The following ATP10B variants were observed in gnomAD, a reference collection of about 807,000 sequenced individuals.
ATP10B encodes phospholipid-transporting ATPase VB.
ATP10B carries 122 observed loss-of-function variants against 141.2 expected under a neutral mutation model. The observed-to-expected ratio is 0.86, with a 90% CI of 0.75 to 1.00. The LOEUF is 1.00. Among genes scored for constraint, ATP10B ranks in the 50% least tolerant of loss-of-function variants. ATP10B has a pLI of 0.00. For missense variants in ATP10B, 1,876 were observed against 1,825.3 expected (o/e 1.03, Z -0.51); for synonymous variants, 685 against 692.0 (o/e 0.99, Z 0.16).
chr5:160,579,959 CTGTT>C (rs1554091881), intron 24 of ATP10B, among the ~76,000 whole-genome samples: 3 of 152,132 alleles, frequency 2.0e-5, no homozygotes, highest in South Asian at 2.1e-4. Flanking sequence ...CATGATTTGG[CTGTT>C]TGTCTATTAT....
intron 6 of ATP10B, among the ~76,000 whole-genome samples, chr5:160,671,576 A>G (rs1762706276): frequency 6.6e-6 from 1 of 152,190 alleles, no homozygotes; most frequent in Admixed American, 6.5e-5. Flanking sequence ...GAGACCTCAC[A>G]GTAACTGTGG....
At chr5:160,796,545 T>C (rs751096979) in intron 1 of ATP10B, among the ~76,000 whole-genome samples, 73 of 149,714 alleles carry the variant, frequency 4.9e-4, no homozygotes, top group Non-Finnish European at 8.0e-4. Context: ...ACAAGGCCCA[T>C]CACATCCCTA....
At chr5:160,616,042 G>C (rs1425205171) in intron 16 of ATP10B, 78 bp from the exon 17 acceptor site, 1 of 1,514,830 alleles carries the variant, frequency 6.6e-7, no homozygotes. Flanking sequence ...CACCTGCTGG[G>C]TCTCCTATTG....
chr5:160,798,733 ACTTTTTCT>A (rs1772136228), intron 1 of ATP10B, among the ~76,000 whole-genome samples: 1 of 147,972 alleles, frequency 6.8e-6, no homozygotes, highest in South Asian at 2.2e-4. Context: ...CAAGGAAAAG[ACTTTTTCT>A]CTATTTTTTT....
chr5:160,790,020 A>G (rs1216990477), intron 1 of ATP10B, among the ~76,000 whole-genome samples: 3 of 152,136 alleles, frequency 2.0e-5, no homozygotes, highest in Non-Finnish European at 4.4e-5. Context: ...GGGACCTAAC[A>G]CTGAAGCGCT....
At chr5:160,805,145 C>T (rs1772687141) in intron 1 of ATP10B, among the ~76,000 whole-genome samples, 1 of 152,112 alleles carries the variant, frequency 6.6e-6, no homozygotes, top group African/African-American at 2.4e-5. Context: ...CATGTGTTTG[C>T]TTTTATTCTC....
rs148596962 is a variant in ATP10B, at chr5:160,666,171, G to A, written c.675+4292C>T. Among the ~76,000 whole-genome samples the A allele has an allele frequency of 6.6e-5, 10 of 152,258 alleles. 1 individual carries two copies. The South Asian group carries it at 1.0e-3, about 16-fold the overall frequency. On this transcript the variant is annotated intron_variant, in intron 7 of 25. Transcript: ENST00000327245. ...TGTTTCTGGAAGCACTGGAGATGGCGCCTCTCCTTGGTTGTACAGGTTTTC... is the reference window on the plus strand; with the variant it reads ...TGTTTCTGGAAGCACTGGAGATGGCACCTCTCCTTGGTTGTACAGGTTTTC...
upstream of ATP10B, among the ~76,000 whole-genome samples, chr5:160,853,650 G>A (rs1753908880): frequency 6.6e-6 from 1 of 152,074 alleles, no homozygotes; most frequent in South Asian, 2.1e-4. Flanking sequence ...AATGAATAGA[G>A]AGTCCTCAAA....
chr5:160,573,141 G>A (rs1048107626), intron 24 of ATP10B, among the ~76,000 whole-genome samples: 1 of 152,208 alleles, frequency 6.6e-6, no homozygotes, highest in African/African-American at 2.4e-5. Context: ...GCCTTTTGAA[G>A]GTGATTAGGG....
At chr5:160,917,265 A>ACTT in the ATP10B span, among the ~76,000 whole-genome samples, 123 of 102,094 alleles carry the variant, frequency 1.2e-3, 2 homozygotes, top group African/African-American at 5.8e-3. Flanking sequence ...ATTCTAGGGT[A>ACTT]CTTCTTTTTT....
chr5:160,708,596 G>A (rs75669609), intron 3 of ATP10B, among the ~76,000 whole-genome samples: 11,324 of 152,204 alleles, frequency 0.074, 421 homozygotes, highest in East Asian at 0.14. Context: ...TGTGGGGTGG[G>A]GCTCTGTTGA....
At chr5:160,820,016 AAAT>A (rs1327243575) in intron 1 of ATP10B, among the ~76,000 whole-genome samples, 1 of 152,120 alleles carries the variant, frequency 6.6e-6, no homozygotes, top group Non-Finnish European at 1.5e-5. Flanking sequence ...AGAAGAAAAG[AAAT>A]AATAAGGATC....
chr5:160,614,191 G>C (rs923252420), intron 17 of ATP10B: 1 of 152,050 alleles, frequency 6.6e-6, no homozygotes, highest in Non-Finnish European at 1.5e-5. Flanking sequence ...GTGATGGCTT[G>C]AGCCTCATCT....
intron 6 of ATP10B, among the ~76,000 whole-genome samples, chr5:160,672,619 T>C (rs1329749732): frequency 6.6e-6 from 1 of 152,226 alleles, no homozygotes; most frequent in African/African-American, 2.4e-5. Flanking sequence ...CCAGCTGGCT[T>C]GAAGCTGGGT....
chr5:160,661,797 G>C (rs889230573), intron 7 of ATP10B, among the ~76,000 whole-genome samples: 1 of 152,126 alleles, frequency 6.6e-6, no homozygotes, highest in Non-Finnish European at 1.5e-5. Flanking sequence ...GTTCTGGCCA[G>C]GGCAATCAGG....
At chr5:160,799,684 G>GAC (rs1772237348) in intron 1 of ATP10B, among the ~76,000 whole-genome samples, 1 of 152,168 alleles carries the variant, frequency 6.6e-6, no homozygotes, top group Non-Finnish European at 1.5e-5. Flanking sequence ...GCTAGCACCT[G>GAC]ACACTTGGGG....
intron 5 of ATP10B, 125 bp downstream of exon 5, chr5:160,687,675 G>T: frequency 8.9e-7 from 1 of 1,125,568 alleles, no homozygotes; most frequent in Non-Finnish European, 1.3e-6. Flanking sequence ...TGAGGTGGGA[G>T]ATTCCCTTGA....
chr5:160,636,212 G>A lies in ATP10B; in HGVS notation c.1098C>T (p.Tyr366=), dbSNP rs1265632443. The A allele has an allele frequency of 6.2e-7, 1 of 1,613,152 alleles. No homozygotes were observed. Among genetic ancestry groups the A allele is most frequent in the South Asian group, 1.1e-5 (1 of 90,834 alleles). ...SFLPSALGGF[Y]MFLTMIILLQ... ...GCAGGATGATCATTGTGAGGAACAT[G>A]TAGAAGCCCCCAAGGGCACTGGGAA... is the stretch of plus-strand genomic sequence containing the variant. Residue 366 remains tyrosine, a synonymous_variant, in exon 11 of 26, where the codon TAC becomes TAT. Transcript: ENST00000327245.
At position 160,612,774 on chromosome 5, in the gene ATP10B, G is replaced by C. The variant is rs765315343; in HGVS notation, c.2805C>G (p.Thr935=). The C allele has an allele frequency of 5.0e-6, 8 of 1,613,816 alleles. No homozygotes were observed. The Admixed American group carries it at 1.0e-4, about 20-fold the overall frequency. Residue 935 remains threonine, a synonymous_variant, in exon 18 of 26, where the codon ACC becomes ACG. Transcript: ENST00000327245. ...CTGTATTGATGGTATAAACAGTGTCGGTCTGATTTAACAGTCTGCAGGAAT... is the reference window on the plus strand; with the variant it reads ...CTGTATTGATGGTATAAACAGTGTCCGTCTGATTTAACAGTCTGCAGGAAT... ...IAHSCRLLNQ[T]DTVYTINTEN...
Sources: allele counts gnomAD v4.1 joint callset (sites outside exome capture counted in the v4.1 genomes callset), GRCh38; gene constraint gnomAD v4.1.1; transcripts MANE v1.5; gene names NCBI Gene and HGNC (gene_info 2026-07-23, HGNC 2026-07-21).